The following RAD9B variants were observed in gnomAD, a reference collection of about 807,000 sequenced individuals.
The protein encoded by RAD9B is RAD9 checkpoint clamp component B, also known as cell cycle checkpoint control protein RAD9B.
In RAD9B, 41 loss-of-function variants were observed where a neutral mutation model predicts 48.3. That is an observed-to-expected ratio of 0.85 (90% CI 0.66 to 1.10). The LOEUF (loss-of-function observed/expected upper bound fraction) is 1.10, where lower values mean the gene tolerates loss of function less well. RAD9B is among the 50% of genes least tolerant of loss of function. The probability of loss-of-function intolerance (pLI) is 0.00; values close to 1 mark genes in which losing one functional copy is unlikely to be tolerated. For synonymous variants in RAD9B, 160 were observed against 157.9 expected (o/e 1.01, Z -0.10); for missense variants, 444 against 485.1 (o/e 0.92, Z 0.80).
At position 110,505,660 on chromosome 12, in the gene RAD9B, G is replaced by C. The variant is rs1296410773; in HGVS notation, c.161G>C (p.Cys54Ser). The C allele has an allele frequency of 6.3e-7, 1 of 1,578,540 alleles. No homozygotes were observed. Among genetic ancestry groups the C allele is most frequent in the East Asian group, 2.3e-5 (1 of 43,724 alleles). Residue 54 changes from cysteine (C) to serine (S), a missense_variant, in exon 3 of 11, where the codon TGT (cysteine) becomes TCT (serine). Coordinates refer to ENST00000409300, the MANE Select transcript of RAD9B (RefSeq NM_001286535.2). ...CVNSSRSAYG[C>S]VLFSPVFFQH... ...AATTCTTCTCGGTCAGCATATGGAT[G>C]TGTCCTGTTCTCTCCTGTGTTTTTT...
chr12:110,519,818 T>C lies in RAD9B; in HGVS notation c.792T>C (p.Asp264=), dbSNP rs747851612. 13 of 1,612,844 alleles carry C rather than the reference T, an allele frequency of 8.1e-6. No homozygotes were observed. In the South Asian group the frequency reaches 1.3e-4, roughly 16 times the overall value. ...GACCTCTGGCTTTGAGTATTGATGA[T>C]ATGTTAGTGGAAGCTAACTTTATTT... ...PGKPLALSID[D]MLVEANFILA... The change falls in exon 9 of 11, where the codon GAT becomes GAC. Residue 264 remains aspartate (D), a synonymous_variant. Transcript: ENST00000409300.
Position 110,503,857 on chromosome 12 carries a change from T to G in RAD9B, c.98T>G (p.Leu33Arg). ...ALSRISDEFW[L>R]DPSKKGLALR... ...TCACGAATTAGTGACGAGTTCTGGC[T>G]AGACCCATCTAAAAAAGGTGTAAGT... Residue 33 changes from leucine to arginine, a missense_variant, in exon 2 of 11, where the codon CTA (leucine) becomes CGA (arginine). By Grantham distance (102) the Leu-to-Arg change is moderately radical. Coordinates refer to ENST00000409300, the MANE Select transcript of RAD9B (RefSeq NM_001286535.2). 6.3e-7 allele frequency: 1 copy of G among 1,576,136 alleles called. No individual in the cohort carries two copies. Among genetic ancestry groups the G allele is most frequent in the Non-Finnish European group, 8.6e-7 (1 of 1,165,584 alleles).
At chr12:110,506,429 C>T in intron 3 of RAD9B, 150 bp from the exon 4 acceptor site, 1 of 471,562 alleles carries the variant, frequency 2.1e-6, no homozygotes, top group South Asian at 1.9e-5. Flanking sequence ...ACCTCGTGAT[C>T]CGCCCGCCTC....
In RAD9B at chr12:110,519,836, C is replaced by T. The variant is rs772270209; in HGVS notation, c.810C>T (p.Asn270=). Residue 270 remains asparagine, a synonymous_variant, in exon 9 of 11, where the codon AAC becomes AAT. Transcript: ENST00000409300. The part of the protein sequence containing the change: ...LSIDDMLVEA[N]FILATLADEQ... ...TTGATGATATGTTAGTGGAAGCTAA[C>T]TTTATTTTGGCCACATTAGCTGATG... The T allele has an allele frequency of 1.4e-5, 22 of 1,613,024 alleles. No homozygotes were observed. In the Admixed American group the frequency reaches 3.7e-4, roughly 27 times the overall value.
intron 4 of RAD9B, among the ~76,000 whole-genome samples, chr12:110,509,784 A>G (rs1480207294): frequency 6.6e-6 from 1 of 152,194 alleles, no homozygotes; most frequent in Non-Finnish European, 1.5e-5. Flanking sequence ...ACACACTTAT[A>G]TATGTATAGG....
chr12:110,508,912 A>G (rs568820478), intron 4 of RAD9B, among the ~76,000 whole-genome samples: 1 of 152,192 alleles, frequency 6.6e-6, no homozygotes, highest in South Asian at 2.1e-4. Context: ...CTCCTACCTC[A>G]GCCTCCAGAG....
intron 5 of RAD9B, among the ~76,000 whole-genome samples, chr12:110,514,306 C>A (rs1250136063): frequency 6.6e-6 from 1 of 151,934 alleles, no homozygotes; most frequent in Non-Finnish European, 1.5e-5. Context: ...ATCTCAATGT[C>A]AAAAGGAGTG....
In RAD9B at chr12:110,520,032, A is replaced by C. The variant is rs2063727246; in HGVS notation, c.890+116A>C. On this transcript the variant is annotated intron_variant, in intron 9 of 10. Coordinates refer to ENST00000409300, the MANE Select transcript of RAD9B (RefSeq NM_001286535.2). The stretch of plus-strand genomic sequence containing the variant: ...TTGAGGAGTGAAATATTAGTTAACA[A>C]ATTTTGACTGAATACAGAAGAGCTG... 2.7e-6 allele frequency: 3 copies of C among 1,113,074 alleles called. No homozygotes were observed. In the South Asian group the frequency reaches 4.5e-5, roughly 17 times the overall value. The allele number at this position is 1,113,074 out of a possible 1,614,324, so 68.9% of individuals were successfully genotyped here. A position where few individuals can be genotyped will look rare whatever the true frequency, so the allele number is the denominator to read the frequency against.
rs140803672 is a variant in RAD9B, at chr12:110,505,827, G to A, written c.273+55G>A. ...ATTCTGTAGAAATATTCATTATATA[G>A]GACATAACCTGTATTCTATACTTAA... is the stretch of plus-strand genomic sequence containing the variant. On this transcript the variant is annotated intron_variant, in intron 3 of 10. Transcript: ENST00000409300. 6.4e-4 allele frequency: 882 copies of A among 1,377,990 alleles called. 1 individual carries two copies. In the African/African-American group the frequency reaches 9.1e-3, roughly 14 times the overall value. 85.4% of individuals were successfully genotyped at this position (1,377,990 alleles called of 1,614,324 possible).
At position 110,506,697 on chromosome 12, in the gene RAD9B, GGTATAATTAA is replaced by G. The variant is rs773245074; in HGVS notation, c.388+5_388+14del. ...ATTCAATTCTTCTACAGACATGGTA[GGTATAATTAA>G]AAGTGGTTTAAAATACTATGTTTTT... On this transcript the variant is annotated splice_donor_5th_base_variant and intron_variant, in intron 4 of 10. Transcript: ENST00000409300. 13 of 1,381,578 alleles carry G rather than the reference GGTATAATTAA, an allele frequency of 9.4e-6. No individual in the cohort carries two copies. The highest frequency in any genetic ancestry group is 1.0e-6 in the Non-Finnish European group (1 of 975,374). The allele number at this position is 1,381,578 out of a possible 1,614,324, so 85.6% of individuals were successfully genotyped here.
At chr12:110,512,969 C>CTT in intron 5 of RAD9B, 91 bp downstream of exon 5, 1 of 628,232 alleles carries the variant, frequency 1.6e-6, no homozygotes, top group South Asian at 1.9e-5. Flanking sequence ...TCAGTCGGCA[C>CTT]ATTTTTTTTT....
At chr12:110,527,621 C>T (rs1280393535) in intron 10 of RAD9B, among the ~76,000 whole-genome samples, 5 of 152,120 alleles carry the variant, frequency 3.3e-5, no homozygotes, top group African/African-American at 4.8e-5. Flanking sequence ...GACAGCCATG[C>T]GAGGGATACT....
intron 6 of RAD9B, 50 bp from the exon 7 acceptor site, chr12:110,518,626 T>C (rs755369404): frequency 7.4e-7 from 1 of 1,357,430 alleles, no homozygotes; most frequent in South Asian, 1.3e-5. Flanking sequence ...TTCCTCTAAA[T>C]TCATCTCTGG....
At chr12:110,505,805 C>T (rs767104157) in intron 3 of RAD9B, 33 bp downstream of exon 3, 14 of 1,570,600 alleles carry the variant, frequency 8.9e-6, no homozygotes, top group Non-Finnish European at 1.2e-5. Flanking sequence ...TTCTCTTATT[C>T]TGTAGAAATA....
At chr12:110,528,572 C>G (rs1224161327) in intron 10 of RAD9B, among the ~76,000 whole-genome samples, 1 of 152,194 alleles carries the variant, frequency 6.6e-6, no homozygotes, top group Non-Finnish European at 1.5e-5. Flanking sequence ...GGCAAGCTGG[C>G]TGAGCTGAGA....
intron 6 of RAD9B, among the ~76,000 whole-genome samples, chr12:110,517,631 A>T (rs971670992): frequency 2.6e-5 from 4 of 151,922 alleles, no homozygotes; most frequent in Admixed American, 6.6e-5. Flanking sequence ...CTCAAAAAAA[A>T]AATAATAAAA....
chr12:110,521,112 C>T (rs1002425310), intron 9 of RAD9B, among the ~76,000 whole-genome samples: 2 of 152,060 alleles, frequency 1.3e-5, no homozygotes, highest in Non-Finnish European at 2.9e-5. Context: ...TGGCTCACTG[C>T]ATTTTCTTTC....
intron 10 of RAD9B, among the ~76,000 whole-genome samples, 197 bp downstream of exon 10, chr12:110,522,608 A>C (rs1168546893): frequency 6.6e-6 from 1 of 152,230 alleles, no homozygotes. Context: ...ACAGAATATC[A>C]ATAGAAAATA....
chr12:110,517,004 G>C (rs2063618259), intron 6 of RAD9B, among the ~76,000 whole-genome samples: 1 of 151,898 alleles, frequency 6.6e-6, no homozygotes, highest in African/African-American at 2.4e-5. Context: ...TCTCACAACA[G>C]GAGATTGAGT....
Sources: gnomAD v4.1 joint callset for allele counts (sites outside exome capture counted in the v4.1 genomes callset) on GRCh38, gnomAD v4.1.1 for gene constraint, MANE v1.5 for transcripts, NCBI Gene and HGNC (gene_info 2026-07-23, HGNC 2026-07-21) for gene names.